The following DLG2 variants were observed in gnomAD, a reference collection of about 807,000 sequenced individuals.
DLG2 encodes the protein disks large homolog 2.
A neutral mutation model predicts 132.5 loss-of-function variants in DLG2; 45 were observed. The ratio of observed to expected loss-of-function variants is 0.34; its 90% confidence interval spans 0.27 to 0.44. The LOEUF is 0.44. Among genes scored for constraint, DLG2 ranks in the 20% least tolerant of loss-of-function variants. The pLI, the probability that DLG2 is intolerant of heterozygous loss-of-function variation, is 1.00. For missense variants in DLG2, 1,045 were observed against 1,196.9 expected, an observed-to-expected ratio of 0.87 and a Z score of 1.87; for synonymous variants, 424 against 419.6, an observed-to-expected ratio of 1.01 and a Z score of -0.13.
intron 3 of DLG2, among the ~76,000 whole-genome samples, chr11:85,488,433 T>C (rs1025433791): frequency 1.3e-5 from 2 of 151,864 alleles, no homozygotes; most frequent in Non-Finnish European, 2.9e-5. Context: ...AAGTGTCTTT[T>C]ACCTCCTGCC....
intron 3 of DLG2, among the ~76,000 whole-genome samples, chr11:85,359,779 T>C (rs2084003312): frequency 6.6e-6 from 1 of 151,936 alleles, no homozygotes; most frequent in East Asian, 1.9e-4. Context: ...ACTGTTAAAG[T>C]AGGGTGGTGA....
intron 6 of DLG2, among the ~76,000 whole-genome samples, chr11:84,570,697 C>G (rs372476150): frequency 1.3e-5 from 2 of 152,186 alleles, no homozygotes; most frequent in African/African-American, 4.8e-5. Context: ...TCACAGAAGA[C>G]AGTTCCTTGA....
chr11:84,278,019 G>A (rs946779037), intron 7 of DLG2, among the ~76,000 whole-genome samples: 1 of 149,228 alleles, frequency 6.7e-6, no homozygotes, highest in Non-Finnish European at 1.5e-5. Flanking sequence ...TCAGCCTCCT[G>A]AGTAGCTGGG....
intron 6 of DLG2, among the ~76,000 whole-genome samples, chr11:84,748,948 C>A (rs111783796): frequency 0.014 from 2,108 of 152,250 alleles, 49 homozygotes; most frequent in African/African-American, 0.048. Flanking sequence ...GGAGAGAGAA[C>A]TGCTTGGGAC....
At chr11:84,565,400 C>T (rs1372584179) in intron 6 of DLG2, among the ~76,000 whole-genome samples, 13 of 152,066 alleles carry the variant, frequency 8.5e-5, no homozygotes. Flanking sequence ...TCCATTTGCA[C>T]ATAGGTACAA....
At position 83,710,904 on chromosome 11, in the gene DLG2, T is replaced by C. The variant is rs149114555; in HGVS notation, c.1825+75786A>G. 9.8e-4 allele frequency among the ~76,000 whole-genome samples: 150 copies of C among 152,334 alleles called. 3 individuals carry two copies. In the East Asian group the frequency reaches 0.024, roughly 25 times the overall value. On this transcript the variant is annotated intron_variant, in intron 18 of 27. Coordinates refer to ENST00000376104, the MANE Select transcript of DLG2 (RefSeq NM_001142699.3). ...TAAATATGCTAGTAACAATCATTTG[T>C]AATACTAATAAATGTAACCAATTTT...
chr11:83,786,930 T>A (rs1483991184), intron 17 of DLG2, 138 bp from the exon 18 acceptor site: 1 of 637,824 alleles, frequency 1.6e-6, no homozygotes, highest in Non-Finnish European at 2.7e-6. Context: ...CTCAGGTGTT[T>A]GTGGACTTTC....
intron 3 of DLG2, among the ~76,000 whole-genome samples, chr11:85,457,184 CTTT>C (rs35970313): frequency 3.1e-4 from 41 of 132,548 alleles, no homozygotes; most frequent in Admixed American, 4.4e-4. Flanking sequence ...CCTTCTTTGT[CTTT>C]TTTTTTTTTT....
At chr11:83,962,751 G>A in intron 14 of DLG2, 134 bp downstream of exon 14, 2 of 1,152,244 alleles carry the variant, frequency 1.7e-6, no homozygotes, top group Non-Finnish European at 2.5e-6. Flanking sequence ...ATGCACCTGA[G>A]GCAAAACTAC....
chr11:84,244,627 A>G (rs1171250516), intron 8 of DLG2, among the ~76,000 whole-genome samples: 1 of 152,210 alleles, frequency 6.6e-6, no homozygotes, highest in Non-Finnish European at 1.5e-5. Context: ...GCTTCATAGG[A>G]GTAGTTGAGA....
At chr11:85,471,803 T>G (rs1218718781) in intron 3 of DLG2, among the ~76,000 whole-genome samples, 1 of 152,042 alleles carries the variant, frequency 6.6e-6, no homozygotes, top group Non-Finnish European at 1.5e-5. Flanking sequence ...GAAGAAAATT[T>G]TTAATAATTG....
chr11:84,120,582 G>C (rs74399131), intron 9 of DLG2, among the ~76,000 whole-genome samples: 2 of 152,262 alleles, frequency 1.3e-5, no homozygotes, highest in South Asian at 4.2e-4. Flanking sequence ...GCCACAGAGT[G>C]GGTAAAGAGA....
chr11:84,021,148 T>A (rs543753177), intron 11 of DLG2, among the ~76,000 whole-genome samples: 3 of 152,184 alleles, frequency 2.0e-5, no homozygotes. Flanking sequence ...ACCTATTTTC[T>A]AGCCCCTTTA....
chr11:83,482,934 C>A (rs905550925), intron 22 of DLG2, among the ~76,000 whole-genome samples: 1 of 152,052 alleles, frequency 6.6e-6, no homozygotes, highest in Non-Finnish European at 1.5e-5. Context: ...GTTTCTTGCT[C>A]TATGGAGGTA....
At chr11:83,853,426 T>G (rs1022047749) in intron 16 of DLG2, among the ~76,000 whole-genome samples, 1 of 152,180 alleles carries the variant, frequency 6.6e-6, no homozygotes, top group African/African-American at 2.4e-5. Flanking sequence ...GTTGAGGGTC[T>G]ACTATACTCC....
chr11:85,263,746 C>T (rs1192066143), intron 4 of DLG2, among the ~76,000 whole-genome samples: 1 of 152,172 alleles, frequency 6.6e-6, no homozygotes, highest in Non-Finnish European at 1.5e-5. Context: ...GGCTTGAATG[C>T]TGTCCAATGA....
intron 11 of DLG2, among the ~76,000 whole-genome samples, chr11:84,041,521 A>T (rs2096079135): frequency 6.6e-6 from 1 of 151,912 alleles, no homozygotes; most frequent in Admixed American, 6.6e-5. Flanking sequence ...TGTACTTTTA[A>T]CTTGCAATTA....
chr11:83,464,750 TG>T (rs2090695531), intron 26 of DLG2, among the ~76,000 whole-genome samples: 2 of 152,222 alleles, frequency 1.3e-5, no homozygotes. Context: ...CCGGACCAAA[TG>T]TGCCACTGCT....
In DLG2 at chr11:84,425,927, T is replaced by C. The variant is rs137943505; in HGVS notation, c.519+108643A>G. Among the ~76,000 whole-genome samples the C allele has an allele frequency of 7.6e-3, 1,156 of 152,278 alleles. 9 individuals carry two copies. The highest frequency in any genetic ancestry group is 0.027 in the African/African-American group (1,104 of 41,572). ...ATGCAACCACTGGTGTGGAATTGTTTTCCAAATGCCATCCTGTTGGGTGAC... is the reference window on the plus strand; with the variant it reads ...ATGCAACCACTGGTGTGGAATTGTTCTCCAAATGCCATCCTGTTGGGTGAC... On this transcript the variant is annotated intron_variant, in intron 7 of 27. Coordinates refer to ENST00000376104, the MANE Select transcript of DLG2 (RefSeq NM_001142699.3).
Sources: allele counts gnomAD v4.1 joint callset (sites outside exome capture counted in the v4.1 genomes callset), GRCh38; gene constraint gnomAD v4.1.1; transcripts MANE v1.5; gene names NCBI Gene and HGNC (gene_info 2026-07-23, HGNC 2026-07-21).